Variants in CHD7 observed in about 807,000 individuals in gnomAD.
CHD7 encodes the protein ATP-dependent chromatin remodeler CHD7.
In CHD7, 24 loss-of-function variants were observed where a neutral mutation model predicts 307.3. The ratio of observed to expected loss-of-function variants is 0.08; its 90% CI spans 0.06 to 0.11. CHD7 has a LOEUF of 0.11. CHD7 is among the 10% of genes least tolerant of loss of function. CHD7 has a pLI of 1.00. For missense variants in CHD7, 3,106 were observed against 3,727.1 expected (o/e 0.83, Z 4.34); for synonymous variants, 1,363 against 1,349.9 (o/e 1.01, Z -0.21).
At position 60,828,803 on chromosome 8, in the gene CHD7, G is replaced by A. The variant is rs1198768157; in HGVS notation, c.3519G>A (p.Glu1173=). The part of the protein sequence containing the change: ...MQEFGDLKTE[E]QVQKLQAILK... ...AATTTGGTGATCTAAAAACAGAAGA[G>A]CAGGTATTTATCAGCTCCACTTTGT... The change falls in exon 14 of 38, where the codon GAG becomes GAA. Residue 1173 remains glutamate (E), a synonymous_variant. Coordinates refer to ENST00000423902, the MANE Select transcript of CHD7 (RefSeq NM_017780.4). 6.2e-7 allele frequency: 1 copy of A among 1,613,166 alleles called. No homozygotes were observed. The highest frequency in any genetic ancestry group is 8.5e-7 in the Non-Finnish European group (1 of 1,179,432).
At position 60,865,483 on chromosome 8, in the gene CHD7, T is replaced by G. The variant is rs1346169205; in HGVS notation, c.8544T>G (p.Asn2848Lys). 6.2e-7 allele frequency: 1 copy of G among 1,613,804 alleles called. No homozygotes were observed. Among genetic ancestry groups the G allele is most frequent in the Non-Finnish European group, 8.5e-7 (1 of 1,179,868 alleles). Residue 2848 changes from asparagine to lysine, a missense_variant, in exon 38 of 38, where the codon AAT (asparagine) becomes AAG (lysine). Physicochemically the swap from Asn to Lys is moderately conservative, Grantham distance 94 (BLOSUM62 0). Transcript: ENST00000423902. This position sits in a 1 kb window ranked among gnomAD's most constrained non-coding sequence, Gnocchi z 4.3. ...DSTSKGEEKG[N>K]ENEDENKDSE... The stretch of plus-strand genomic sequence containing the variant: ...CTTCAAAAGGAGAGGAGAAAGGAAA[T>G]GAGAATGAAGACGAGAACAAAGACT...
chr8:60,834,620 T>TTCA (rs1230061114), intron 15 of CHD7, among the ~76,000 whole-genome samples: 1 of 152,238 alleles, frequency 6.6e-6, no homozygotes, highest in Non-Finnish European at 1.5e-5. Flanking sequence ...ATATTAGCTT[T>TTCA]TCATTCACTT....
intron 1 of CHD7, among the ~76,000 whole-genome samples, chr8:60,693,750 T>A (rs1004080705): frequency 6.6e-6 from 1 of 152,264 alleles, no homozygotes; most frequent in African/African-American, 2.4e-5. Flanking sequence ...ACACCGTGGG[T>A]TAGCCTAGTG....
intron 1 of CHD7, among the ~76,000 whole-genome samples, chr8:60,714,299 T>G (rs898107261): frequency 6.6e-6 from 1 of 150,716 alleles, no homozygotes; most frequent in Admixed American, 6.6e-5. Context: ...CTCGGGGCGC[T>G]CGCTTCACCT....
chr8:60,809,945 T>C (rs1812720033), intron 7 of CHD7, among the ~76,000 whole-genome samples: 1 of 152,174 alleles, frequency 6.6e-6, no homozygotes, highest in African/African-American at 2.4e-5. Flanking sequence ...TTCTTCTACA[T>C]TGATTGGTTG....
chr8:60,727,588 C>G (rs1278580813), intron 1 of CHD7, among the ~76,000 whole-genome samples: 2 of 152,230 alleles, frequency 1.3e-5, no homozygotes, highest in East Asian at 3.9e-4. Flanking sequence ...GTGTTTGCCC[C>G]TACCTTGTTG....
rs267601960 is a variant in CHD7, at chr8:60,741,504, C to G, written c.72C>G (p.Leu24=). 2.5e-6 allele frequency: 4 copies of G among 1,612,628 alleles called. No individual in the cohort carries two copies. The highest frequency in any genetic ancestry group is 2.5e-6 in the Non-Finnish European group (3 of 1,179,322). The change falls in exon 2 of 38, where the codon CTC becomes CTG. Residue 24 remains leucine (L), a synonymous_variant. Transcript: ENST00000423902. The part of the protein sequence containing the change: ...GNIFSEGLEG[L]GECGYPENPV... ...TTTTCAGTGAAGGTCTTGAAGGCCT[C>G]GGAGAATGTGGTTACCCGGAAAATC...
chr8:60,865,666 A>G lies in CHD7; in HGVS notation c.8727A>G (p.Leu2909=), dbSNP rs1196668835. ...GCCTCTTCTACCCATCCATGTTTCT[A>G]CCTCCAGGACTGGGGGGATTGACGC... The part of the protein sequence containing the change: ...APGLFYPSMF[L]PPGLGGLTLP... Residue 2909 remains leucine (L), a synonymous_variant, in exon 38 of 38, where the codon CTA becomes CTG. Transcript: ENST00000423902. The surrounding 1 kb of genome is among the most constrained non-coding windows in gnomAD (Gnocchi z 4.3). 3.1e-6 allele frequency: 5 copies of G among 1,605,928 alleles called. No homozygotes were observed. The highest frequency in any genetic ancestry group is 1.7e-5 in the Admixed American group (1 of 59,538).
At chr8:60,790,938 C>T (rs192378587) in intron 3 of CHD7, among the ~76,000 whole-genome samples, 1 of 152,076 alleles carries the variant, frequency 6.6e-6, no homozygotes, top group African/African-American at 2.4e-5. Flanking sequence ...GGTGTCCGCG[C>T]AGGGTCTTGC....
intron 31 of CHD7, among the ~76,000 whole-genome samples, chr8:60,854,149 C>T (rs10090769): frequency 0.011 from 1,733 of 152,334 alleles, 25 homozygotes; most frequent in African/African-American, 0.039. Flanking sequence ...CTCTCTAAGC[C>T]TCTGTGTCAT....
At chr8:60,707,253 A>C (rs1341240976) in intron 1 of CHD7, among the ~76,000 whole-genome samples, 1 of 152,200 alleles carries the variant, frequency 6.6e-6, no homozygotes, top group Admixed American at 6.5e-5. Context: ...GAAATATGCA[A>C]ATATTGACAA....
At position 60,852,169 on chromosome 8, in the gene CHD7, G is replaced by A. The variant is rs1024797402; in HGVS notation, c.5816G>A (p.Arg1939Gln). 3 of 1,613,722 alleles carry A rather than the reference G, an allele frequency of 1.9e-6. No homozygotes were observed. The highest frequency in any genetic ancestry group is 2.7e-5 in the African/African-American group (2 of 74,914). ...CAAGAGGCCCTAATGAAGACTGACCGGCGCAGACGGCGGCCTCGAGAGGAA... is the reference window on the plus strand; with the variant it reads ...CAAGAGGCCCTAATGAAGACTGACCAGCGCAGACGGCGGCCTCGAGAGGAA... Reference protein sequence around the residue: ...MRQEALMKTDRRRRRPREEVR... With the variant: ...MRQEALMKTDQRRRRPREEVR... The change falls in exon 29 of 38, where the codon CGG (arginine) becomes CAG (glutamine). Residue 1939 changes from arginine to glutamine, a missense_variant. Coordinates refer to ENST00000423902, the MANE Select transcript of CHD7 (RefSeq NM_017780.4).
At position 60,781,444 on chromosome 8, in the gene CHD7, A is replaced by C; in HGVS notation, c.2096+14A>C. 1.3e-6 allele frequency: 2 copies of C among 1,510,110 alleles called. No individual in the cohort carries two copies. Among genetic ancestry groups the C allele is most frequent in the Non-Finnish European group, 1.8e-6 (2 of 1,136,964 alleles). The allele number at this position is 1,510,110 out of a possible 1,614,324, so 93.5% of individuals were successfully genotyped here. A position where few individuals can be genotyped will look rare whatever the true frequency, so the allele number is the denominator to read the frequency against. ...CAAAAAGTCAAGGTAGGCTGTGGGC[A>C]GAAAAAACAACTGCAAAACATTGAG... On this transcript the variant is annotated intron_variant, in intron 3 of 37. Transcript: ENST00000423902.
Position 60,795,140 on chromosome 8 carries a change from T to C in CHD7, c.2238+13T>C, listed in dbSNP as rs1563607218. 1 of 1,608,892 alleles carries C rather than the reference T, an allele frequency of 6.2e-7. No homozygotes were observed. The highest frequency in any genetic ancestry group is 8.5e-7 in the Non-Finnish European group (1 of 1,178,034). ...CCCAGGTGTTCAGGTAATACAATTATTGTGATTCCCGAGCCTTGGTTATTT... is the reference window on the plus strand; with the variant it reads ...CCCAGGTGTTCAGGTAATACAATTACTGTGATTCCCGAGCCTTGGTTATTT... On this transcript the variant is annotated intron_variant, in intron 4 of 37. Transcript: ENST00000423902.
At chr8:60,680,309 C>T (rs1214352237) in intron 1 of CHD7, among the ~76,000 whole-genome samples, 2 of 142,560 alleles carry the variant, frequency 1.4e-5, no homozygotes, top group Admixed American at 6.9e-5. Context: ...GGATTGGGCT[C>T]GCTGGGGGCG....
At chr8:60,785,563 G>A (rs1479567992) in intron 3 of CHD7, among the ~76,000 whole-genome samples, 1 of 152,168 alleles carries the variant, frequency 6.6e-6, no homozygotes, top group Non-Finnish European at 1.5e-5. Context: ...TGTTTTCTCA[G>A]TTACGAGCTT....
At chr8:60,845,746 C>T (rs1293229559) in intron 23 of CHD7, among the ~76,000 whole-genome samples, 1 of 152,128 alleles carries the variant, frequency 6.6e-6, no homozygotes, top group Non-Finnish European at 1.5e-5. Context: ...CACAACACAA[C>T]GTTTACCATT....
chr8:60,837,586 G>T, intron 17 of CHD7, 82 bp from the exon 18 acceptor site: 1 of 1,227,146 alleles, frequency 8.1e-7, no homozygotes, highest in Non-Finnish European at 1.1e-6. Flanking sequence ...ACATTGGAAT[G>T]AGGGTTTCAG....
At chr8:60,822,460 A>C (rs2150749999) in intron 11 of CHD7, 43 bp from the exon 12 acceptor site, 1 of 1,590,926 alleles carries the variant, frequency 6.3e-7, no homozygotes, top group Non-Finnish European at 8.6e-7. Context: ...AGTGTGTCAT[A>C]TCCATACTCA....
Sources: allele counts gnomAD v4.1 joint callset (sites outside exome capture counted in the v4.1 genomes callset), GRCh38; gene constraint gnomAD v4.1.1; non-coding constraint Gnocchi (gnomAD v3.1); transcripts MANE v1.5; gene names NCBI Gene and HGNC (gene_info 2026-07-23, HGNC 2026-07-21).